LRRTM4: variants seen among roughly 807,000 people sequenced by gnomAD.
LRRTM4 encodes the protein leucine rich repeat transmembrane neuronal 4, also known as leucine-rich repeat transmembrane neuronal protein 4.
Under a neutral mutation model 47.6 loss-of-function variants are expected in LRRTM4, and 25 were observed. The ratio of observed to expected loss-of-function variants is 0.53; its 90% CI spans 0.38 to 0.73. LRRTM4 has a LOEUF of 0.73. LRRTM4 is among the 30% of genes least tolerant of loss of function. LRRTM4 has a pLI of 0.00. For synonymous variants in LRRTM4, 311 were observed against 269.5 expected (o/e 1.15, Z -1.51); for missense variants, 638 against 713.4 (o/e 0.89, Z 1.20).
intron 3 of LRRTM4, among the ~76,000 whole-genome samples, chr2:77,316,820 A>G (rs1214512654): frequency 6.6e-6 from 1 of 152,216 alleles, no homozygotes; most frequent in Admixed American, 6.5e-5. Context: ...CGATGAGATT[A>G]TATGCGTGAG....
intron 3 of LRRTM4, among the ~76,000 whole-genome samples, chr2:77,427,499 T>C (rs1313326747): frequency 2.0e-5 from 3 of 152,254 alleles, no homozygotes; most frequent in Admixed American, 2.0e-4. Flanking sequence ...GATTTGAATG[T>C]ACACAAATGT....
intron 3 of LRRTM4, among the ~76,000 whole-genome samples, chr2:77,176,410 A>C (rs997035635): frequency 1.3e-5 from 2 of 152,212 alleles, no homozygotes; most frequent in African/African-American, 2.4e-5. Flanking sequence ...GTCTAAAACT[A>C]AGTCAGTCCT....
chr2:76,916,057 A>G (rs147033876), intron 3 of LRRTM4, among the ~76,000 whole-genome samples: 1 of 152,290 alleles, frequency 6.6e-6, no homozygotes, highest in East Asian at 1.9e-4. Context: ...GAATAAAAAT[A>G]GAAATGATGA....
intron 3 of LRRTM4, among the ~76,000 whole-genome samples, chr2:77,435,183 A>T (rs1197520044): frequency 6.6e-6 from 1 of 152,194 alleles, no homozygotes; most frequent in East Asian, 1.9e-4. Context: ...CTGGTTGAGA[A>T]GCACTAGGTA....
At chr2:77,229,101 A>G (rs1674895170) in intron 3 of LRRTM4, among the ~76,000 whole-genome samples, 3 of 151,976 alleles carry the variant, frequency 2.0e-5, no homozygotes, top group Admixed American at 1.3e-4. Context: ...CCTCCTTTAA[A>G]GCCCCTTCTT....
At chr2:77,467,748 T>C (rs1337398329) in intron 3 of LRRTM4, among the ~76,000 whole-genome samples, 1 of 152,160 alleles carries the variant, frequency 6.6e-6, no homozygotes, top group African/African-American at 2.4e-5. Context: ...ACATTTATAA[T>C]AAAAATATGT....
intron 3 of LRRTM4, among the ~76,000 whole-genome samples, chr2:76,806,903 T>C (rs1482641840): frequency 6.6e-6 from 1 of 151,884 alleles, no homozygotes; most frequent in African/African-American, 2.4e-5. Flanking sequence ...ATTTCATAAA[T>C]AAAAAAATAC....
chr2:77,420,321 C>T (rs866847972), intron 3 of LRRTM4, among the ~76,000 whole-genome samples: 32 of 152,152 alleles, frequency 2.1e-4, no homozygotes, highest in Middle Eastern at 3.4e-3. Context: ...GGTAATGTAA[C>T]CTAGGAAGTG....
chr2:77,283,599 A>T (rs980565557), intron 3 of LRRTM4, among the ~76,000 whole-genome samples: 5 of 152,136 alleles, frequency 3.3e-5, no homozygotes, highest in Non-Finnish European at 7.4e-5. Context: ...GACTGGATTA[A>T]GAAAATATGG....
At chr2:77,190,291 CTTTTTTT>C (rs143873795) in intron 3 of LRRTM4, among the ~76,000 whole-genome samples, 1 of 103,898 alleles carries the variant, frequency 9.6e-6, no homozygotes, top group Non-Finnish European at 1.8e-5. Flanking sequence ...GCATTTTCAT[CTTTTTTT>C]TTTTTTTTTT....
chr2:77,075,075 G>C (rs1026520167), intron 3 of LRRTM4, among the ~76,000 whole-genome samples: 16 of 152,022 alleles, frequency 1.1e-4, no homozygotes, highest in African/African-American at 3.9e-4. Flanking sequence ...AAAAATTTAA[G>C]ATTTATTTTA....
intron 3 of LRRTM4, among the ~76,000 whole-genome samples, chr2:77,050,077 A>G (rs1014638496): frequency 6.6e-6 from 1 of 151,848 alleles, no homozygotes; most frequent in African/African-American, 2.4e-5. Flanking sequence ...GAGGTCAGAA[A>G]GAGTACCCAA....
At chr2:77,392,737 A>T (rs957502579) in intron 3 of LRRTM4, among the ~76,000 whole-genome samples, 1 of 152,016 alleles carries the variant, frequency 6.6e-6, no homozygotes, top group Admixed American at 6.6e-5. Flanking sequence ...TATTGAGAAG[A>T]TACTCCTCAA....
intron 3 of LRRTM4, among the ~76,000 whole-genome samples, chr2:77,502,442 A>G (rs993411560): frequency 1.3e-5 from 2 of 151,512 alleles, no homozygotes; most frequent in Non-Finnish European, 3.0e-5. Context: ...ATAGCTTTGA[A>G]CTTTAGTGAT....
chr2:77,240,336 T>C (rs560668121), intron 3 of LRRTM4, among the ~76,000 whole-genome samples: 1 of 152,100 alleles, frequency 6.6e-6, no homozygotes, highest in South Asian at 2.1e-4. Flanking sequence ...AGAATATGCA[T>C]ATGCCAAGTT....
intron 3 of LRRTM4, among the ~76,000 whole-genome samples, chr2:76,775,074 G>A (rs2104127157): frequency 6.6e-6 from 1 of 152,194 alleles, no homozygotes; most frequent in South Asian, 2.1e-4. Flanking sequence ...ACCCTCCCCT[G>A]ACTTTTTGCA....
intron 3 of LRRTM4, among the ~76,000 whole-genome samples, chr2:76,994,565 C>T (rs2104002289): frequency 6.6e-6 from 1 of 151,886 alleles, no homozygotes; most frequent in East Asian, 1.9e-4. Flanking sequence ...GAGATTGTGG[C>T]AGGCTAACCT....
intron 3 of LRRTM4, among the ~76,000 whole-genome samples, chr2:77,506,949 T>A (rs994226920): frequency 1.3e-5 from 2 of 152,072 alleles, no homozygotes; most frequent in Non-Finnish European, 2.9e-5. Context: ...CAGTTTCTAA[T>A]ATGAAATTAA....
At chr2:77,506,777 G>A (rs1411808464) in intron 3 of LRRTM4, among the ~76,000 whole-genome samples, 3 of 151,774 alleles carry the variant, frequency 2.0e-5, no homozygotes, top group African/African-American at 7.2e-5. Context: ...AGACATTTTT[G>A]TGACGGTGAA....
Sources: gnomAD v4.1 joint callset for allele counts (sites outside exome capture counted in the v4.1 genomes callset) on GRCh38, gnomAD v4.1.1 for gene constraint, MANE v1.5 for transcripts, NCBI Gene and HGNC (gene_info 2026-07-23, HGNC 2026-07-21) for gene names.